NEK11: variants seen among roughly 807,000 people sequenced by gnomAD.
The protein encoded by NEK11 is NIMA related kinase 11.
In NEK11, 72 loss-of-function variants were observed where a neutral mutation model predicts 80.7. That is an observed-to-expected ratio of 0.89 (90% CI 0.74 to 1.08). The LOEUF (loss-of-function observed/expected upper bound fraction) is 1.08. NEK11 is among the 50% of genes least tolerant of loss of function. NEK11 has a pLI of 0.00. For synonymous variants in NEK11, 251 were observed against 260.7 expected, an observed-to-expected ratio of 0.96 and a Z score of 0.36; for missense variants, 764 against 763.6, an observed-to-expected ratio of 1.00 and a Z score of -0.01.
intron 17 of NEK11, among the ~76,000 whole-genome samples, chr3:131,288,454 T>C (rs9810842): frequency 4.3e-4 from 5 of 11,574 alleles, no homozygotes; most frequent in Non-Finnish European, 8.2e-4. Flanking sequence ...TTCTTTCTTT[T>C]TTTTTTTTTT....
chr3:131,165,723 C>G (rs748796270), intron 12 of NEK11, among the ~76,000 whole-genome samples: 4 of 152,084 alleles, frequency 2.6e-5, no homozygotes, highest in Non-Finnish European at 5.9e-5. Context: ...ATCAATTGAT[C>G]CATTTAACAA....
At chr3:131,059,500 A>G (rs933020525) in intron 3 of NEK11, among the ~76,000 whole-genome samples, 2 of 152,226 alleles carry the variant, frequency 1.3e-5, no homozygotes, top group Non-Finnish European at 2.9e-5. Context: ...AACATGTAAT[A>G]AAAGTCCCAT....
chr3:131,249,992 G>A (rs1208920394), intron 16 of NEK11, among the ~76,000 whole-genome samples: 2 of 151,904 alleles, frequency 1.3e-5, no homozygotes, highest in African/African-American at 4.8e-5. Flanking sequence ...ATCCACAAAA[G>A]TTTTTTAAAA....
At chr3:131,210,380 G>A (rs1345903510) in intron 14 of NEK11, among the ~76,000 whole-genome samples, 2 of 152,198 alleles carry the variant, frequency 1.3e-5, no homozygotes, top group East Asian at 1.9e-4. Context: ...GCTGAGGAGT[G>A]CTTTACTTCC....
rs182594864 is a variant in NEK11 at position 131,272,866 on chromosome 3, G to T, written c.1622-612G>T. 1.3e-3 allele frequency among the ~76,000 whole-genome samples: 202 copies of T among 152,208 alleles called. 4 individuals carry two copies. In the South Asian group the frequency reaches 0.04, roughly 30 times the overall value. ...TCAACATGTTTTATAAGAGCCTTCA[G>T]GATGTTTCATTAAAAACTGTAGCTC... On this transcript the variant is annotated intron_variant, in intron 16 of 17. Coordinates refer to ENST00000383366, the MANE Select transcript of NEK11 (RefSeq NM_024800.5).
intron 3 of NEK11, among the ~76,000 whole-genome samples, chr3:131,061,248 G>C (rs1158519264): frequency 6.6e-6 from 1 of 152,172 alleles, no homozygotes; most frequent in Non-Finnish European, 1.5e-5. Flanking sequence ...CATGATCTAT[G>C]CTGTTCTAGA....
chr3:131,030,922 C>T (rs1254094952), intron 3 of NEK11, among the ~76,000 whole-genome samples: 1 of 152,132 alleles, frequency 6.6e-6, no homozygotes, highest in African/African-American at 2.4e-5. Context: ...ACAGGAGGAA[C>T]AGAAAGCAGA....
intron 12 of NEK11, among the ~76,000 whole-genome samples, chr3:131,165,771 G>T (rs560750664): frequency 1.3e-5 from 2 of 152,272 alleles, no homozygotes; most frequent in Admixed American, 6.5e-5. Context: ...AACTGAATTG[G>T]CACTGAATGC....
chr3:131,246,947 C>T (rs535041717), intron 16 of NEK11, among the ~76,000 whole-genome samples: 1 of 151,934 alleles, frequency 6.6e-6, no homozygotes, highest in Non-Finnish European at 1.5e-5. Context: ...CCTTAGCCCA[C>T]TTTTTGATGG....
At chr3:131,202,625 T>G (rs1017250873) in intron 14 of NEK11, among the ~76,000 whole-genome samples, 1 of 152,020 alleles carries the variant, frequency 6.6e-6, no homozygotes, top group African/African-American at 2.4e-5. Context: ...GAAACTACCA[T>G]CAGAGTGAAC....
At position 131,080,528 on chromosome 3, in the gene NEK11, C is replaced by T. The variant is rs1299431356; in HGVS notation, c.276C>T (p.Val92=). 6.2e-7 allele frequency: 1 copy of T among 1,614,096 alleles called. No homozygotes were observed. The highest frequency in any genetic ancestry group is 8.5e-7 in the Non-Finnish European group (1 of 1,179,994). ...LLSKLDHPAI[V]KFHASFVEQD... is the part of the protein sequence containing the mutation. Reference sequence around the variant, plus strand: ...CCAAGCTGGACCACCCAGCCATTGTCAAGTTCCATGCAAGTTTTGTGGAGC... The same window carrying T: ...CCAAGCTGGACCACCCAGCCATTGTTAAGTTCCATGCAAGTTTTGTGGAGC... Residue 92 remains valine, a synonymous_variant, in exon 4 of 18, where the codon GTC becomes GTT. Transcript: ENST00000383366.
chr3:131,187,345 T>A (rs1366915343), intron 14 of NEK11, among the ~76,000 whole-genome samples: 2 of 152,162 alleles, frequency 1.3e-5, no homozygotes, highest in African/African-American at 4.8e-5. Flanking sequence ...AATCTAAGTA[T>A]CTAAATTTTT....
Position 131,207,368 on chromosome 3 carries a change from G to A in NEK11, c.1400-21160G>A, listed in dbSNP as rs1261156052. ...GGAGGCTGAGGCGGGTGGATCACGA[G>A]GTCAGGAGATCGAGACCATCCTGGC... is the stretch of plus-strand genomic sequence containing the variant. On this transcript the variant is annotated intron_variant, in intron 14 of 17. Coordinates refer to ENST00000383366, the MANE Select transcript of NEK11 (RefSeq NM_024800.5). Among the ~76,000 whole-genome samples the A allele has an allele frequency of 4.6e-5, 7 of 152,288 alleles. No individual in the cohort carries two copies. In the South Asian group the frequency reaches 6.2e-4, roughly 14 times the overall value.
Position 131,336,309 on chromosome 3 carries a change from C to T in NEK11, c.1719-13248C>T, listed in dbSNP as rs147635994. 2.5e-3 allele frequency among the ~76,000 whole-genome samples: 378 copies of T among 152,168 alleles called. 4 individuals carry two copies. The highest frequency in any genetic ancestry group is 7.6e-3 in the African/African-American group (316 of 41,506). ...AACAGAACAGAGCCCTCAGAAATAACGCCGCATTTCTACAACTATCTGATC... is the reference window on the plus strand; with the variant it reads ...AACAGAACAGAGCCCTCAGAAATAATGCCGCATTTCTACAACTATCTGATC... On this transcript the variant is annotated intron_variant, in intron 17 of 17. Transcript: ENST00000383366.
intron 17 of NEK11, among the ~76,000 whole-genome samples, chr3:131,316,799 T>G (rs1296910398): frequency 6.6e-6 from 1 of 152,104 alleles, no homozygotes; most frequent in South Asian, 2.1e-4. Context: ...GCTTGCGAGT[T>G]TTTTGAAGTT....
chr3:131,031,000 T>C (rs181688313), intron 3 of NEK11, among the ~76,000 whole-genome samples: 1 of 152,312 alleles, frequency 6.6e-6, no homozygotes, highest in East Asian at 1.9e-4. Flanking sequence ...TAATATATTG[T>C]TTTCTTCTAA....
chr3:131,336,502 A>T (rs924543135), intron 17 of NEK11, among the ~76,000 whole-genome samples: 1 of 152,206 alleles, frequency 6.6e-6, no homozygotes, highest in Non-Finnish European at 1.5e-5. Flanking sequence ...TTAGACCTGA[A>T]ACCATAAAAA....
intron 4 of NEK11, among the ~76,000 whole-genome samples, chr3:131,087,368 C>T (rs554329605): frequency 4.0e-5 from 6 of 151,800 alleles, no homozygotes; most frequent in Middle Eastern, 3.4e-3. Context: ...CTCAGCCTCC[C>T]GGGTAGCTGT....
At chr3:131,280,735 G>T (rs1423873477) in intron 17 of NEK11, among the ~76,000 whole-genome samples, 1 of 152,104 alleles carries the variant, frequency 6.6e-6, no homozygotes, top group East Asian at 1.9e-4. Context: ...ACCCTGTGTG[G>T]GTGTTGGATA....
Sources: gnomAD v4.1 joint callset for allele counts (sites outside exome capture counted in the v4.1 genomes callset) on GRCh38, gnomAD v4.1.1 for gene constraint, MANE v1.5 for transcripts, NCBI Gene and HGNC (gene_info 2026-07-23, HGNC 2026-07-21) for gene names.